DEPDC5: variants seen among roughly 807,000 people sequenced by gnomAD.
DEPDC5 encodes the protein GATOR1 complex protein DEPDC5.
Under a neutral mutation model 217.3 loss-of-function variants are expected in DEPDC5, and 73 were observed. The ratio of observed to expected loss-of-function variants is 0.34; its 90% confidence interval spans 0.28 to 0.41. The LOEUF (loss-of-function observed/expected upper bound fraction) is 0.41, where lower values mean the gene tolerates loss of function less well. DEPDC5 is among the 10% of genes least tolerant of loss of function. The pLI, the probability that DEPDC5 is intolerant of heterozygous loss-of-function variation, is 1.00. For missense variants in DEPDC5, 1,675 were observed against 2,070.1 expected, an observed-to-expected ratio of 0.81 and a Z score of 3.70; for synonymous variants, 733 against 756.7, an observed-to-expected ratio of 0.97 and a Z score of 0.51.
chr22:31,806,658 A>G (rs1005745421), intron 18 of DEPDC5, among the ~76,000 whole-genome samples: 2 of 152,228 alleles, frequency 1.3e-5, no homozygotes, highest in African/African-American at 4.8e-5. Context: ...AGATGCAGAT[A>G]TGCATTGCAG....
intron 30 of DEPDC5, among the ~76,000 whole-genome samples, chr22:31,846,056 T>C (rs2091717532): frequency 6.6e-6 from 1 of 152,058 alleles, no homozygotes; most frequent in South Asian, 2.1e-4. Context: ...CCCAGGTTGT[T>C]TTCAAATTCC....
At chr22:31,800,617 A>T (rs1403041450) in intron 14 of DEPDC5, among the ~76,000 whole-genome samples, 1 of 152,146 alleles carries the variant, frequency 6.6e-6, no homozygotes, top group Non-Finnish European at 1.5e-5. Context: ...GTAATATTTT[A>T]AAAATCTACT....
Position 31,822,685 on chromosome 22 carries a change from C to T in DEPDC5, c.2007-8C>T, listed in dbSNP as rs759392206. 1.2e-6 allele frequency: 2 copies of T among 1,613,866 alleles called. No homozygotes were observed. Among genetic ancestry groups the T allele is most frequent in the East Asian group, 2.2e-5 (1 of 44,880 alleles). On this transcript the variant is annotated splice_polypyrimidine_tract_variant and splice_region_variant and intron_variant, in intron 23 of 42. Transcript: ENST00000651528. ...TTAAGCCAGGTGGCTGGGCTCTGTT[C>T]TCTGCAGGCACAGCAATTCCCGCCA...
chr22:31,905,922 C>A lies in DEPDC5; in HGVS notation c.4437-62C>A, dbSNP rs530294236. The A allele has an allele frequency of 2.6e-5, 37 of 1,450,768 alleles. No homozygotes were observed. The South Asian group carries it at 4.0e-4, about 16-fold the overall frequency. 89.9% of individuals were successfully genotyped at this position (1,450,768 alleles called of 1,614,324 possible). ...GTCCGAGAGTCCTATCAGCTACATT[C>A]TCTTCCCTTGCCCCTTTAACTAAGG... On this transcript the variant is annotated intron_variant, in intron 41 of 42. Coordinates refer to ENST00000651528, the MANE Select transcript of DEPDC5 (RefSeq NM_001242896.3).
rs199645234 is a variant in DEPDC5 at position 31,876,144 on chromosome 22, A to T, written c.3697-13A>T. On this transcript the variant is annotated splice_polypyrimidine_tract_variant and intron_variant, in intron 36 of 42. Coordinates refer to ENST00000651528, the MANE Select transcript of DEPDC5 (RefSeq NM_001242896.3). ...TCTCTGCAGGAATTTCAGAGTTTCA[A>T]TGTCTCTCCTAGAAAATGCTGGAAG... The T allele has an allele frequency of 1.9e-6, 3 of 1,613,144 alleles. No individual in the cohort carries two copies. Among genetic ancestry groups the T allele is most frequent in the Non-Finnish European group, 2.5e-6 (3 of 1,179,508 alleles).
At chr22:31,874,476 C>T in intron 36 of DEPDC5, 71 bp downstream of exon 36, 1 of 1,506,182 alleles carries the variant, frequency 6.6e-7, no homozygotes, top group Non-Finnish European at 8.9e-7. Context: ...CCTTAGAAGC[C>T]ATCACCCTTT....
At chr22:31,878,726 A>G (rs1165427641) in intron 37 of DEPDC5, among the ~76,000 whole-genome samples, 1 of 152,056 alleles carries the variant, frequency 6.6e-6, no homozygotes, top group African/African-American at 2.4e-5. Context: ...AGAGAAAAAA[A>G]GAAATAAACT....
At chr22:31,852,240 T>C (rs1322292870) in intron 31 of DEPDC5, among the ~76,000 whole-genome samples, 1 of 152,184 alleles carries the variant, frequency 6.6e-6, no homozygotes, top group Non-Finnish European at 1.5e-5. Context: ...AATTCCTGCT[T>C]ACCCATCATC....
At chr22:31,796,296 G>C (rs1366550235) in intron 12 of DEPDC5, among the ~76,000 whole-genome samples, 1 of 150,964 alleles carries the variant, frequency 6.6e-6, no homozygotes, top group African/African-American at 2.4e-5. Context: ...GTGGAGACAG[G>C]GTTTCACCGT....
At chr22:31,769,403 A>G (rs2083132111) in intron 7 of DEPDC5, 1 of 152,084 alleles carries the variant, frequency 6.6e-6, no homozygotes, top group South Asian at 2.1e-4. Flanking sequence ...AAAAGGAGAT[A>G]GAGACTCGTA....
chr22:31,860,044 G>T (rs1263901542), intron 32 of DEPDC5, among the ~76,000 whole-genome samples: 2 of 152,194 alleles, frequency 1.3e-5, no homozygotes, highest in Non-Finnish European at 2.9e-5. Flanking sequence ...GAAAAGCAGA[G>T]AAATTATAGT....
intron 2 of DEPDC5, chr22:31,757,240 C>T (rs1556512587): frequency 6.6e-6 from 1 of 152,106 alleles, no homozygotes; most frequent in Non-Finnish European, 1.5e-5. Flanking sequence ...CACAGCTACT[C>T]AAGAGGCTGG....
intron 22 of DEPDC5, 37 bp from the exon 23 acceptor site, chr22:31,821,465 G>A: frequency 6.2e-7 from 1 of 1,611,092 alleles, no homozygotes; most frequent in Non-Finnish European, 8.5e-7. Context: ...CTAGCTATCA[G>A]GTGGGAATGA....
chr22:31,906,561 G>A lies in DEPDC5; in HGVS notation c.*64G>A. 2 of 1,581,744 alleles carry A rather than the reference G, an allele frequency of 1.3e-6. No individual in the cohort carries two copies. The highest frequency in any genetic ancestry group is 1.7e-6 in the Non-Finnish European group (2 of 1,162,960). On this transcript the variant is annotated 3_prime_UTR_variant, in exon 43 of 43. Coordinates refer to ENST00000651528, the MANE Select transcript of DEPDC5 (RefSeq NM_001242896.3). The surrounding 1 kb of genome is among the most constrained non-coding windows in gnomAD (Gnocchi z 5.1). Reference sequence around the variant, plus strand: ...CACTGCCCTCAAACCCGGGGCGGAGGATTCCAGGCAGGCTCTAGGAGTCAG... The same window carrying A: ...CACTGCCCTCAAACCCGGGGCGGAGAATTCCAGGCAGGCTCTAGGAGTCAG...
chr22:31,758,653 C>G lies in DEPDC5; in HGVS notation c.146+20C>G. The G allele has an allele frequency of 1.2e-6, 2 of 1,606,548 alleles. No individual in the cohort carries two copies. The highest frequency in any genetic ancestry group is 1.7e-6 in the Non-Finnish European group (2 of 1,173,216). On this transcript the variant is annotated intron_variant, in intron 3 of 42. Transcript: ENST00000651528. ...ATACAGGTGAGTGTCTCATAGGATC[C>G]ATGGAACTGGGCAATTCACTGTTTC...
chr22:31,898,597 A>G (rs1362176314), intron 40 of DEPDC5, among the ~76,000 whole-genome samples: 2 of 152,212 alleles, frequency 1.3e-5, no homozygotes, highest in Non-Finnish European at 2.9e-5. Context: ...GATCAGCGGC[A>G]GAGAACCAGC....
In DEPDC5 at chr22:31,797,707, C is replaced by T. The variant is rs776378427; in HGVS notation, c.871+4C>T. ...TTGGTGCGACTGGAACAGGCAGGTA[C>T]TGCATTCATGTAATAGATGGTGCGG... On this transcript the variant is annotated splice_donor_region_variant and intron_variant, in intron 13 of 42. Transcript: ENST00000651528. 6.2e-7 allele frequency: 1 copy of T among 1,610,792 alleles called. No individual in the cohort carries two copies. The highest frequency in any genetic ancestry group is 8.5e-7 in the Non-Finnish European group (1 of 1,177,020).
intron 21 of DEPDC5, chr22:31,815,552 T>C: frequency 3.2e-6 from 2 of 622,764 alleles, no homozygotes; most frequent in Non-Finnish European, 5.6e-6. Context: ...CAGCTGATTA[T>C]CATATTTTTT....
At chr22:31,842,838 C>T (rs1210761151) in intron 27 of DEPDC5, among the ~76,000 whole-genome samples, 3 of 152,166 alleles carry the variant, frequency 2.0e-5, no homozygotes, top group Non-Finnish European at 4.4e-5. Flanking sequence ...GGTTGTTCAG[C>T]TTTGAGTGTG....
Sources: gnomAD v4.1 joint callset for allele counts (sites outside exome capture counted in the v4.1 genomes callset) on GRCh38, gnomAD v4.1.1 for gene constraint, Gnocchi (gnomAD v3.1) non-coding constraint, MANE v1.5 for transcripts, NCBI Gene and HGNC (gene_info 2026-07-23, HGNC 2026-07-21) for gene names.